SMIM21: variants seen among roughly 807,000 people sequenced by gnomAD.
SMIM21 encodes small integral membrane protein 21.
A neutral mutation model predicts 8.6 loss-of-function variants in SMIM21; 8 were observed. The ratio of observed to expected loss-of-function variants is 0.93; its 90% CI spans 0.55 to 1.68. The LOEUF is 1.68. SMIM21 is among the 40% of genes most tolerant of loss of function. The pLI is 0.00. For synonymous variants in SMIM21, 43 were observed against 41.7 expected (o/e 1.03, Z -0.12); for missense variants, 132 against 123.0 (o/e 1.07, Z -0.35).
At chr18:75,425,540 G>A (rs771008920) in intron 1 of SMIM21, among the ~76,000 whole-genome samples, 40 of 152,288 alleles carry the variant, frequency 2.6e-4, no homozygotes, top group African/African-American at 9.6e-4. Context: ...TTTCCTACTG[G>A]CTACAGAAAC....
At chr18:75,425,557 A>G (rs2024752773) in intron 1 of SMIM21, among the ~76,000 whole-genome samples, 1 of 152,208 alleles carries the variant, frequency 6.6e-6, no homozygotes, top group Non-Finnish European at 1.5e-5. Context: ...AAACGTTACC[A>G]TCATATGATT....
At position 75,410,090 on chromosome 18, in the gene SMIM21, C is replaced by T. The variant is rs1432868866; in HGVS notation, c.*774G>A. 1.3e-5 allele frequency: 2 copies of T among 152,642 alleles called. No homozygotes were observed. The highest frequency in any genetic ancestry group is 3.8e-4 in the East Asian group (2 of 5,200). The allele number at this position is 152,642 out of a possible 1,614,324, so 9.5% of individuals were successfully genotyped here. A position where few individuals can be genotyped will look rare whatever the true frequency, so the allele number is the denominator to read the frequency against. On this transcript the variant is annotated 3_prime_UTR_variant, in exon 3 of 3. Transcript: ENST00000579022. ...CACAGAGCTTTAGCACCTTAAGTTGCTCAATTTGATCTCTGCACTCAGGAA... is the reference window on the plus strand; with the variant it reads ...CACAGAGCTTTAGCACCTTAAGTTGTTCAATTTGATCTCTGCACTCAGGAA...
chr18:75,419,848 C>T (rs953814477), intron 1 of SMIM21, among the ~76,000 whole-genome samples: 12 of 152,270 alleles, frequency 7.9e-5, no homozygotes, highest in African/African-American at 2.6e-4. Context: ...TGGTGGCTCT[C>T]TCTGGTTGCA....
chr18:75,414,399 C>T (rs564992179), intron 2 of SMIM21, among the ~76,000 whole-genome samples: 1 of 152,270 alleles, frequency 6.6e-6, no homozygotes, highest in East Asian at 1.9e-4. Context: ...ATAACTCCTG[C>T]TCCATTGACT....
chr18:75,411,983 T>A (rs568838673), intron 2 of SMIM21, among the ~76,000 whole-genome samples: 139 of 152,208 alleles, frequency 9.1e-4, no homozygotes, highest in African/African-American at 3.3e-3. Context: ...CACCAGCAAA[T>A]ATATAGATGA....
rs568303650 is a variant in SMIM21 at position 75,410,086 on chromosome 18, G to A, written c.*778C>T. On this transcript the variant is annotated 3_prime_UTR_variant, in exon 3 of 3. Coordinates refer to ENST00000579022, the MANE Select transcript of SMIM21 (RefSeq NM_001037331.3). Reference sequence around the variant, plus strand: ...CTGGCACAGAGCTTTAGCACCTTAAGTTGCTCAATTTGATCTCTGCACTCA... The same window carrying A: ...CTGGCACAGAGCTTTAGCACCTTAAATTGCTCAATTTGATCTCTGCACTCA... The A allele has an allele frequency of 4.6e-5, 7 of 152,722 alleles. No homozygotes were observed. The South Asian group carries it at 1.5e-3, about 32-fold the overall frequency. 9.5% of individuals were successfully genotyped at this position (152,722 alleles called of 1,614,324 possible). A position where few individuals can be genotyped will look rare whatever the true frequency, so the allele number is the denominator to read the frequency against.
At chr18:75,416,728 A>G (rs966671859) in intron 2 of SMIM21, 1 of 152,218 alleles carries the variant, frequency 6.6e-6, no homozygotes, top group Admixed American at 6.5e-5. Context: ...TTAAAAAACC[A>G]TACTTTTTGC....
chr18:75,427,145 A>T (rs2024772561), intron 1 of SMIM21, among the ~76,000 whole-genome samples: 2 of 152,154 alleles, frequency 1.3e-5, no homozygotes, highest in African/African-American at 4.8e-5. Context: ...TAGGGGAGAG[A>T]TCATTGACTC....
Position 75,418,897 on chromosome 18 carries a change from A to C in SMIM21, c.149T>G (p.Ile50Ser). 5 of 1,601,462 alleles carry C rather than the reference A, an allele frequency of 3.1e-6. No homozygotes were observed. Among genetic ancestry groups the C allele is most frequent in the Non-Finnish European group, 4.3e-6 (5 of 1,168,846 alleles). ...AAGAACCAACAATGTGAAGAAACGA[A>C]TATGGTGTTCATTTTCAAACTGAAA... is the stretch of plus-strand genomic sequence containing the variant. ...ALTTFENEHH[I>S]RFFTLLVLFH... The change falls in exon 2 of 3, where the codon ATT becomes AGT. Residue 50 changes from isoleucine (I) to serine (S), a missense_variant. Ile to Ser is a moderately radical substitution (Grantham distance 142, BLOSUM62 -2). Coordinates refer to ENST00000579022, the MANE Select transcript of SMIM21 (RefSeq NM_001037331.3).
Position 75,418,775 on chromosome 18 carries a change from C to T in SMIM21, c.260+11G>A, listed in dbSNP as rs147837383. 4.3e-4 allele frequency: 689 copies of T among 1,597,898 alleles called. 9 individuals carry two copies. The East Asian group carries it at 0.015, about 34-fold the overall frequency. On this transcript the variant is annotated intron_variant, in intron 2 of 2. Transcript: ENST00000579022. ...ATTTTTTTTTAACTGCTAAGGTTAT[C>T]GTTTACCTACTTTCGAAATATGCTG...
intron 2 of SMIM21, among the ~76,000 whole-genome samples, chr18:75,412,004 G>A (rs1047048261): frequency 4.6e-5 from 7 of 152,170 alleles, no homozygotes; most frequent in Non-Finnish European, 7.4e-5. Flanking sequence ...AGGTGACAGT[G>A]GCTATAAGAA....
At chr18:75,419,263 A>G (rs2024684510) in intron 1 of SMIM21, among the ~76,000 whole-genome samples, 1 of 152,208 alleles carries the variant, frequency 6.6e-6, no homozygotes, top group African/African-American at 2.4e-5. Flanking sequence ...CACGGCTTTT[A>G]AATACAATAA....
chr18:75,414,122 T>C (rs7505084), intron 2 of SMIM21, among the ~76,000 whole-genome samples: 62,874 of 145,044 alleles, frequency 0.43, 15,463 homozygotes, highest in East Asian at 0.72. Context: ...CACACACACA[T>C]ACACACACAC....
Position 75,410,544 on chromosome 18 carries a change from G to A in SMIM21, c.*320C>T, listed in dbSNP as rs1599101000. 2.5e-6 allele frequency: 1 copy of A among 405,884 alleles called. No individual in the cohort carries two copies. The highest frequency in any genetic ancestry group is 4.5e-5 in the East Asian group (1 of 22,292). The allele number at this position is 405,884 out of a possible 1,614,324, so 25.1% of individuals were successfully genotyped here. ...AGCAGCAATTGAAAATATGACTACA[G>A]GCTTGATGTCCTAATGAAGAAGTTC... On this transcript the variant is annotated 3_prime_UTR_variant, in exon 3 of 3. Coordinates refer to ENST00000579022, the MANE Select transcript of SMIM21 (RefSeq NM_001037331.3).
chr18:75,411,621 G>A (rs1231130310), intron 2 of SMIM21, among the ~76,000 whole-genome samples: 1 of 152,232 alleles, frequency 6.6e-6, no homozygotes, highest in East Asian at 1.9e-4. Flanking sequence ...GACATCGTTA[G>A]CCAGCTCCAG....
chr18:75,413,196 C>T (rs904925927), intron 2 of SMIM21, among the ~76,000 whole-genome samples: 3 of 152,166 alleles, frequency 2.0e-5, no homozygotes, highest in Non-Finnish European at 4.4e-5. Flanking sequence ...AACAGTCCCT[C>T]TCCCAGAGAT....
At chr18:75,419,416 C>G (rs537792594) in intron 1 of SMIM21, among the ~76,000 whole-genome samples, 1 of 152,074 alleles carries the variant, frequency 6.6e-6, no homozygotes, top group Non-Finnish European at 1.5e-5. Flanking sequence ...AAATTTTTCT[C>G]AAATCATGCC....
At chr18:75,416,900 C>G (rs1384088833) in intron 2 of SMIM21, 3 of 152,128 alleles carry the variant, frequency 2.0e-5, no homozygotes, top group Non-Finnish European at 2.9e-5. Flanking sequence ...GGCTTTTCAA[C>G]CCCTGGAGTT....
chr18:75,425,213 C>T (rs963396336), intron 1 of SMIM21, among the ~76,000 whole-genome samples: 2 of 152,176 alleles, frequency 1.3e-5, no homozygotes, highest in African/African-American at 4.8e-5. Flanking sequence ...TATCCACAGC[C>T]TCCATCCAGA....
Sources: gnomAD v4.1 joint callset for allele counts (sites outside exome capture counted in the v4.1 genomes callset) on GRCh38, gnomAD v4.1.1 for gene constraint, MANE v1.5 for transcripts, NCBI Gene and HGNC (gene_info 2026-07-23, HGNC 2026-07-21) for gene names.